Variants in SLC4A7 observed in about 807,000 individuals in gnomAD.
The protein encoded by SLC4A7 is solute carrier family 4 member 7, also known as sodium bicarbonate cotransporter 3.
In SLC4A7, 51 loss-of-function variants were observed where a neutral mutation model predicts 137.6. The observed-to-expected ratio is 0.37, with a 90% CI of 0.30 to 0.47. SLC4A7 has a LOEUF of 0.47. Among genes scored for constraint, SLC4A7 ranks in the 20% least tolerant of loss-of-function variants. The probability of loss-of-function intolerance (pLI) is 1.00; values close to 1 mark genes in which losing one functional copy is unlikely to be tolerated. For synonymous variants in SLC4A7, 542 were observed against 518.6 expected (o/e 1.05, Z -0.61); for missense variants, 1,247 against 1,525.4 (o/e 0.82, Z 3.04).
chr3:27,459,308 A>G (rs2058571117), intron 1 of SLC4A7, among the ~76,000 whole-genome samples: 2 of 152,220 alleles, frequency 1.3e-5, no homozygotes, highest in African/African-American at 4.8e-5. Flanking sequence ...CCCATTTAAC[A>G]CTATCATGGA....
intron 3 of SLC4A7, among the ~76,000 whole-genome samples, chr3:27,438,555 C>A (rs184436776): frequency 1.7e-3 from 250 of 149,148 alleles, no homozygotes; most frequent in African/African-American, 4.7e-3. Flanking sequence ...AATAAAATAA[C>A]ATAACATAAC....
intron 10 of SLC4A7, 122 bp downstream of exon 10, chr3:27,420,578 T>A (rs2054865356): frequency 1.9e-6 from 1 of 521,862 alleles, no homozygotes; most frequent in East Asian, 3.2e-5. Context: ...GATAAAACAG[T>A]ATACACAGCA....
In SLC4A7 at chr3:27,421,688, A is replaced by C; in HGVS notation, c.1358T>G (p.Ile453Ser). Residue 453 changes from isoleucine (I) to serine (S), a missense_variant, in exon 9 of 26, where the codon ATT becomes AGT. Physicochemically the swap from Ile to Ser is moderately radical, Grantham distance 142 (BLOSUM62 -2). Transcript: ENST00000454389. Reference protein sequence around the residue: ...GEVDFLERPIIAFVRLAPAVL... With the variant: ...GEVDFLERPISAFVRLAPAVL... ...AGCAGGAGCCAGTCTCACAAATGCA[A>C]TTATTGGCCTTTCCAAAAAGTCTAC... The C allele has an allele frequency of 6.2e-7, 1 of 1,613,996 alleles. No homozygotes were observed. Among genetic ancestry groups the C allele is most frequent in the Non-Finnish European group, 8.5e-7 (1 of 1,179,938 alleles).
intron 11 of SLC4A7, among the ~76,000 whole-genome samples, chr3:27,413,682 T>C (rs1408571953): frequency 6.6e-6 from 1 of 152,156 alleles, no homozygotes; most frequent in Non-Finnish European, 1.5e-5. Context: ...TAAATGTCAA[T>C]AAAAAAGAAA....
In SLC4A7 at chr3:27,453,256, T is replaced by C. The variant is rs1025585092; in HGVS notation, c.61-758A>G. Among the ~76,000 whole-genome samples, 3 of 152,344 alleles carry C rather than the reference T, an allele frequency of 2.0e-5. No homozygotes were observed. In the East Asian group the frequency reaches 5.8e-4, roughly 29 times the overall value. On this transcript the variant is annotated intron_variant, in intron 1 of 25. Coordinates refer to ENST00000454389, the MANE Select transcript of SLC4A7 (RefSeq NM_001321103.2). Reference sequence around the variant, plus strand: ...CATTCTAATCATCATTAACTACTTATTATTAACTTATTATACACAAGATTC... The same window carrying C: ...CATTCTAATCATCATTAACTACTTACTATTAACTTATTATACACAAGATTC...
chr3:27,431,732 T>TA (rs929905179), intron 6 of SLC4A7, 63 bp from the exon 7 acceptor site: 110 of 1,438,418 alleles, frequency 7.6e-5, no homozygotes, highest in Middle Eastern at 2.0e-4. Flanking sequence ...TAGAGACATT[T>TA]AAAAAAAAAT....
At chr3:27,401,475 G>A (rs2052735563) in intron 15 of SLC4A7, among the ~76,000 whole-genome samples, 1 of 152,088 alleles carries the variant, frequency 6.6e-6, no homozygotes. Flanking sequence ...TTTTAAATAC[G>A]GACTTAAAAG....
intron 1 of SLC4A7, among the ~76,000 whole-genome samples, chr3:27,462,181 T>C (rs1259268944): frequency 6.6e-6 from 1 of 152,198 alleles, no homozygotes; most frequent in Non-Finnish European, 1.5e-5. Context: ...ACAGACACTT[T>C]TGTACTTCCT....
rs1366032582 is a variant in SLC4A7, at chr3:27,437,421, T to A, written c.395A>T (p.Asp132Val). 3 of 1,594,084 alleles carry A rather than the reference T, an allele frequency of 1.9e-6. No individual in the cohort carries two copies. Among genetic ancestry groups the A allele is most frequent in the Non-Finnish European group, 2.6e-6 (3 of 1,170,494 alleles). Residue 132 changes from aspartate to valine, a missense_variant, in exon 4 of 26, where the codon GAT becomes GTT. By Grantham distance (152) the Asp-to-Val change is radical. Coordinates refer to ENST00000454389, the MANE Select transcript of SLC4A7 (RefSeq NM_001321103.2). ...FTEMDELCYR[D>V]GEEYEWKETA... ...TTCTTTCCATTCATATTCTTCTCCATCTCTGTAACACAGTTCATCCATTTC... is the reference window on the plus strand; with the variant it reads ...TTCTTTCCATTCATATTCTTCTCCAACTCTGTAACACAGTTCATCCATTTC...
intron 1 of SLC4A7, among the ~76,000 whole-genome samples, chr3:27,459,515 G>A (rs918207664): frequency 6.6e-6 from 1 of 151,978 alleles, no homozygotes; most frequent in African/African-American, 2.4e-5. Flanking sequence ...TTAATAGCAG[G>A]CACACACAAA....
intron 1 of SLC4A7, among the ~76,000 whole-genome samples, chr3:27,468,049 A>G (rs2059082132): frequency 1.3e-5 from 2 of 152,158 alleles, no homozygotes; most frequent in African/African-American, 2.4e-5. Context: ...TCAGCCTCCC[A>G]AGTAGCTGGG....
intron 15 of SLC4A7, among the ~76,000 whole-genome samples, chr3:27,402,003 C>G (rs1227307926): frequency 6.6e-6 from 1 of 152,104 alleles, no homozygotes; most frequent in Non-Finnish European, 1.5e-5. Context: ...TTTATTCTGT[C>G]CGTCAAAGTT....
chr3:27,441,786 T>C (rs1219879669), intron 3 of SLC4A7, among the ~76,000 whole-genome samples: 1 of 152,128 alleles, frequency 6.6e-6, no homozygotes, highest in Non-Finnish European at 1.5e-5. Flanking sequence ...ATGTCTGGCT[T>C]CTTTAATGCA....
chr3:27,482,475 A>G (rs2059753678), intron 1 of SLC4A7, among the ~76,000 whole-genome samples: 2 of 152,196 alleles, frequency 1.3e-5, no homozygotes, highest in African/African-American at 4.8e-5. Context: ...AAGGCTACAC[A>G]AAGAATTACA....
chr3:27,454,759 T>C (rs1188682999), intron 1 of SLC4A7, among the ~76,000 whole-genome samples: 3 of 152,202 alleles, frequency 2.0e-5, no homozygotes, highest in Non-Finnish European at 4.4e-5. Flanking sequence ...GCATACTGCC[T>C]ATTCTAAAAG....
At chr3:27,439,878 C>T (rs1265181927) in intron 3 of SLC4A7, among the ~76,000 whole-genome samples, 1 of 152,136 alleles carries the variant, frequency 6.6e-6, no homozygotes, top group African/African-American at 2.4e-5. Context: ...TGTAGATGCT[C>T]TTTATCAGGT....
intron 2 of SLC4A7, 103 bp from the exon 3 acceptor site, chr3:27,448,900 C>G: frequency 1.4e-6 from 1 of 720,548 alleles, no homozygotes. Context: ...TATAAGTTCA[C>G]GTAATTAACA....
rs1409452326 is a variant in SLC4A7, at chr3:27,398,276, A to G, written c.2505T>C (p.Phe835=). 6.2e-7 allele frequency: 1 copy of G among 1,613,476 alleles called. No individual in the cohort carries two copies. Among genetic ancestry groups the G allele is most frequent in the South Asian group, 1.1e-5 (1 of 91,040 alleles). The change falls in exon 17 of 26, where the codon TTT becomes TTC. Residue 835 remains phenylalanine, a synonymous_variant. Coordinates refer to ENST00000454389, the MANE Select transcript of SLC4A7 (RefSeq NM_001321103.2). ...HHGPYIPDVL[F]WCVILFFTTF... ...TTGTGAAAAACAAGATGACACACCAAAAGAGCACATCTGGAATATAAGGTC... is the reference window on the plus strand; with the variant it reads ...TTGTGAAAAACAAGATGACACACCAGAAGAGCACATCTGGAATATAAGGTC...
At chr3:27,406,694 C>T (rs1008217668) in intron 13 of SLC4A7, among the ~76,000 whole-genome samples, 1 of 151,938 alleles carries the variant, frequency 6.6e-6, no homozygotes. Context: ...TTTGGGAAGC[C>T]GAGGTGGGTG....
Sources: gnomAD v4.1 joint callset for allele counts (sites outside exome capture counted in the v4.1 genomes callset) on GRCh38, gnomAD v4.1.1 for gene constraint, MANE v1.5 for transcripts, NCBI Gene and HGNC (gene_info 2026-07-23, HGNC 2026-07-21) for gene names.